The following AGMO variants were observed in gnomAD, a reference collection of about 807,000 sequenced individuals.
AGMO encodes glyceryl-ether monooxygenase.
AGMO carries 75 observed loss-of-function variants against 60.2 expected under a neutral mutation model. The observed-to-expected ratio is 1.25, with a 90% CI of 1.03 to 1.51. AGMO has a LOEUF of 1.51. Ranked by LOEUF, AGMO falls within the 40% of genes most tolerant of loss-of-function variation. The pLI is 0.00. For synonymous variants in AGMO, 261 were observed against 177.1 expected (o/e 1.47, Z -3.76); for missense variants, 763 against 525.5 (o/e 1.45, Z -4.42).
intron 3 of AGMO, among the ~76,000 whole-genome samples, chr7:15,508,478 A>G (rs1331391226): frequency 2.0e-5 from 3 of 152,188 alleles, no homozygotes; most frequent in Admixed American, 6.6e-5. Context: ...GCTCCCTGCA[A>G]TAAAAACCCT....
At position 15,363,139 on chromosome 7, in the gene AGMO, C is replaced by T. The variant is rs1450974193; in HGVS notation, c.1263+2375G>A. ...GTTAGCTCTTATAAAACCTATTTTA[C>T]AGTTGAACAACCTGAGGCACAGAGT... On this transcript the variant is annotated intron_variant, in intron 12 of 12. Coordinates refer to ENST00000342526, the MANE Select transcript of AGMO (RefSeq NM_001004320.2). Among the ~76,000 whole-genome samples the T allele has an allele frequency of 2.0e-5, 3 of 152,168 alleles. 1 individual carries two copies. Among genetic ancestry groups the T allele is most frequent in the South Asian group, 4.1e-4 (2 of 4,830 alleles).
chr7:15,125,602 G>A, the AGMO span, among the ~76,000 whole-genome samples: 1 of 151,802 alleles, frequency 6.6e-6, no homozygotes, highest in African/African-American at 2.4e-5. Context: ...ATGCTTACCA[G>A]GTGTCTTCTG....
chr7:15,549,395 C>T (rs1784881641), intron 2 of AGMO, among the ~76,000 whole-genome samples: 1 of 152,076 alleles, frequency 6.6e-6, no homozygotes, highest in Non-Finnish European at 1.5e-5. Context: ...AGTGAAGACC[C>T]ATCAGTGCAC....
intron 3 of AGMO, among the ~76,000 whole-genome samples, chr7:15,516,982 T>C (rs1783827086): frequency 6.6e-6 from 1 of 152,128 alleles, no homozygotes; most frequent in Admixed American, 6.5e-5. Flanking sequence ...AAGAGTCTTT[T>C]TTTTTTGACA....
chr7:15,245,530 C>T (rs924547910), intron 12 of AGMO, among the ~76,000 whole-genome samples: 1 of 152,092 alleles, frequency 6.6e-6, no homozygotes, highest in Admixed American at 6.5e-5. Flanking sequence ...CAATCTGCAA[C>T]CCAAGAGGTT....
the AGMO span, among the ~76,000 whole-genome samples, chr7:15,166,252 G>C: frequency 6.6e-6 from 1 of 152,184 alleles, no homozygotes; most frequent in Non-Finnish European, 1.5e-5. Context: ...TCACCAGAAG[G>C]ATGCTTGAGC....
chr7:15,546,548 AC>A (rs1437033422), intron 2 of AGMO, among the ~76,000 whole-genome samples: 2 of 152,116 alleles, frequency 1.3e-5, no homozygotes, highest in Non-Finnish European at 2.9e-5. Flanking sequence ...AGGTGTCCAA[AC>A]CCCTCAACCT....
intron 5 of AGMO, among the ~76,000 whole-genome samples, chr7:15,414,475 TACACAC>T (rs112635860): frequency 1.4e-5 from 2 of 146,398 alleles, no homozygotes; most frequent in Non-Finnish European, 3.0e-5. Flanking sequence ...TAGACACACA[TACACAC>T]ACACACACAC....
intron 12 of AGMO, among the ~76,000 whole-genome samples, chr7:15,351,019 A>C (rs1362603649): frequency 6.6e-6 from 1 of 152,194 alleles, no homozygotes; most frequent in African/African-American, 2.4e-5. Context: ...CACTGTGGGC[A>C]TGCATGAGAT....
intron 9 of AGMO, 107 bp from the exon 10 acceptor site, chr7:15,385,669 A>C: frequency 1.4e-6 from 1 of 708,224 alleles, no homozygotes; most frequent in Non-Finnish European, 2.5e-6. Context: ...TTTTTTAAAA[A>C]AAGACAAACA....
intron 3 of AGMO, among the ~76,000 whole-genome samples, chr7:15,437,150 C>T (rs1461090793): frequency 6.6e-6 from 1 of 152,026 alleles, no homozygotes; most frequent in Non-Finnish European, 1.5e-5. Context: ...AATATAATAG[C>T]CCATGAATAA....
At chr7:15,542,785 G>A (rs1335974441) in intron 3 of AGMO, among the ~76,000 whole-genome samples, 1 of 152,108 alleles carries the variant, frequency 6.6e-6, no homozygotes, top group Non-Finnish European at 1.5e-5. Context: ...ATTTATATAT[G>A]AGGAAATAGT....
intron 10 of AGMO, among the ~76,000 whole-genome samples, chr7:15,383,094 G>C (rs1310289116): frequency 6.6e-6 from 1 of 151,508 alleles, no homozygotes; most frequent in African/African-American, 2.4e-5. Context: ...ACATAATCTA[G>C]GACCACATAC....
At chr7:15,120,891 A>T in the AGMO span, among the ~76,000 whole-genome samples, 1 of 151,824 alleles carries the variant, frequency 6.6e-6, no homozygotes, top group Non-Finnish European at 1.5e-5. Context: ...TGCCACAGTG[A>T]TTTGCTGCAC....
intron 12 of AGMO, among the ~76,000 whole-genome samples, chr7:15,229,085 A>G (rs182830426): frequency 6.6e-6 from 1 of 152,052 alleles, no homozygotes; most frequent in Non-Finnish European, 1.5e-5. Flanking sequence ...GGCTGCCTAC[A>G]CTTTAGGTAA....
chr7:15,354,426 ACACG>A, intron 12 of AGMO, among the ~76,000 whole-genome samples: 1 of 22,306 alleles, frequency 4.5e-5, no homozygotes, highest in East Asian at 2.5e-3. Flanking sequence ...GTGTATACAC[ACACG>A]TGTGTGTATA....
Position 15,560,206 on chromosome 7 carries a change from C to T in AGMO, c.192G>A (p.Lys64=), listed in dbSNP as rs1214821229. The T allele has an allele frequency of 6.2e-7, 1 of 1,613,052 alleles. No individual in the cohort carries two copies. Among genetic ancestry groups the T allele is most frequent in the African/African-American group, 1.3e-5 (1 of 74,840 alleles). ...ELVVSWILKG[K]PPGRLDDALT... ...AAGCATCATCCAGGCGACCTGGTGG[C>T]TTTCCTTTGAGAATCCAGCTGACAA... The change falls in exon 2 of 13, where the codon AAG becomes AAA. Residue 64 remains lysine, a synonymous_variant. Coordinates refer to ENST00000342526, the MANE Select transcript of AGMO (RefSeq NM_001004320.2).
At chr7:15,374,731 G>A (rs913051801) in intron 10 of AGMO, among the ~76,000 whole-genome samples, 1 of 152,084 alleles carries the variant, frequency 6.6e-6, no homozygotes, top group African/African-American at 2.4e-5. Flanking sequence ...GAGTTTCTAG[G>A]TTACAATACA....
At chr7:15,396,688 A>C (rs1046116204) in intron 5 of AGMO, 1 of 150,310 alleles carries the variant, frequency 6.7e-6, no homozygotes, top group Non-Finnish European at 1.5e-5. Context: ...CTTTACAGAG[A>C]GCTGATTGGT....
Sources: gnomAD v4.1 joint callset for allele counts (sites outside exome capture counted in the v4.1 genomes callset) on GRCh38, gnomAD v4.1.1 for gene constraint, MANE v1.5 for transcripts, NCBI Gene and HGNC (gene_info 2026-07-23, HGNC 2026-07-21) for gene names.